MSH3: variants seen among roughly 807,000 people sequenced by gnomAD.
The protein encoded by MSH3 is mutS homolog 3, also known as DNA mismatch repair protein Msh3.
Under a neutral mutation model 123.3 loss-of-function variants are expected in MSH3, and 106 were observed. The ratio of observed to expected loss-of-function variants is 0.86; its 90% CI spans 0.73 to 1.01. The LOEUF (loss-of-function observed/expected upper bound fraction) is 1.01, where lower values mean the gene tolerates loss of function less well. MSH3 is among the 50% of genes least tolerant of loss of function. The probability of loss-of-function intolerance (pLI) is 0.00; values close to 1 mark genes in which losing one functional copy is unlikely to be tolerated. For synonymous variants in MSH3, 515 were observed against 481.4 expected, an observed-to-expected ratio of 1.07 and a Z score of -0.91; for missense variants, 1,459 against 1,347.6, an observed-to-expected ratio of 1.08 and a Z score of -1.29.
chr5:80,726,593 A>G (rs1374295352), intron 9 of MSH3, among the ~76,000 whole-genome samples: 3 of 152,138 alleles, frequency 2.0e-5, no homozygotes, highest in Admixed American at 6.5e-5. Flanking sequence ...CAGCCTCCCA[A>G]GTAGCTGAGA....
intron 17 of MSH3, among the ~76,000 whole-genome samples, chr5:80,782,146 A>G (rs1202348338): frequency 6.6e-6 from 1 of 152,118 alleles, no homozygotes; most frequent in African/African-American, 2.4e-5. Context: ...ATGAACATAC[A>G]TACATATATA....
chr5:80,736,417 T>C (rs1206161262), intron 10 of MSH3, among the ~76,000 whole-genome samples: 1 of 151,902 alleles, frequency 6.6e-6, no homozygotes, highest in African/African-American at 2.4e-5. Context: ...TGAAAGAACA[T>C]AATAGCGAAT....
At chr5:80,723,855 T>C (rs1020102570) in intron 8 of MSH3, among the ~76,000 whole-genome samples, 2 of 152,116 alleles carry the variant, frequency 1.3e-5, no homozygotes, top group African/African-American at 4.8e-5. Context: ...CTTGACTCCC[T>C]GGGCTCAAGT....
chr5:80,781,754 T>C (rs973491273), intron 17 of MSH3, among the ~76,000 whole-genome samples: 2 of 152,154 alleles, frequency 1.3e-5, no homozygotes, highest in African/African-American at 4.8e-5. Context: ...TTGAGGTGTT[T>C]CTTTGATTTG....
chr5:80,707,403 T>C (rs1750748387), intron 8 of MSH3, among the ~76,000 whole-genome samples: 1 of 152,190 alleles, frequency 6.6e-6, no homozygotes, highest in Admixed American at 6.5e-5. Context: ...TGCTGGATTA[T>C]GTGGGTAAGT....
chr5:80,813,558 AAGT>A, intron 19 of MSH3, 23 bp from the exon 20 acceptor site: 1 of 1,613,416 alleles, frequency 6.2e-7, no homozygotes, highest in Non-Finnish European at 8.5e-7. Flanking sequence ...CTGGTACAAT[AAGT>A]GAAATTCCTT....
intron 7 of MSH3, 94 bp from the exon 8 acceptor site, chr5:80,678,833 T>A (rs1380574162): frequency 7.3e-7 from 1 of 1,376,792 alleles, no homozygotes; most frequent in African/African-American, 1.4e-5. Flanking sequence ...CTCCTGAGTG[T>A]ATCATCTTTA....
rs189249892 is a variant in MSH3 at position 80,845,087 on chromosome 5, G to A, written c.2814-9043G>A. Among the ~76,000 whole-genome samples the A allele has an allele frequency of 3.4e-3, 524 of 152,292 alleles. 5 individuals are homozygous for A. Among genetic ancestry groups the A allele is most frequent in the African/African-American group, 8.2e-3 (342 of 41,544 alleles). ...TGCTTCCTTTAGGAGCTCTTGTAAG[G>A]CAGACCTGGTGGTGACAAAATCTCT... On this transcript the variant is annotated intron_variant, in intron 20 of 23. Transcript: ENST00000265081.
intron 17 of MSH3, 90 bp downstream of exon 17, chr5:80,778,926 C>T (rs1744358450): frequency 2.6e-6 from 2 of 757,118 alleles, no homozygotes; most frequent in Non-Finnish European, 4.7e-6. Flanking sequence ...ATAGAGATTA[C>T]AGCTCATGAC....
intron 22 of MSH3, among the ~76,000 whole-genome samples, chr5:80,872,276 C>T (rs761956797): frequency 1.4e-4 from 21 of 151,962 alleles, no homozygotes; most frequent in Non-Finnish European, 2.5e-4. Context: ...TCGAGAGCAG[C>T]CTGGGCAACA....
At chr5:80,828,209 C>G (rs1745355107) in intron 20 of MSH3, among the ~76,000 whole-genome samples, 1 of 152,174 alleles carries the variant, frequency 6.6e-6, no homozygotes, top group African/African-American at 2.4e-5. Flanking sequence ...CATAAAATGG[C>G]AGAAGGCATC....
At chr5:80,833,666 C>T (rs1745458906) in intron 20 of MSH3, among the ~76,000 whole-genome samples, 1 of 152,190 alleles carries the variant, frequency 6.6e-6, no homozygotes, top group Non-Finnish European at 1.5e-5. Flanking sequence ...TGGTCTCGAT[C>T]ACTTGACCTC....
chr5:80,749,966 TTCTC>T (rs1743803083), intron 12 of MSH3, among the ~76,000 whole-genome samples: 1 of 152,150 alleles, frequency 6.6e-6, no homozygotes, highest in Admixed American at 6.5e-5. Flanking sequence ...GATGTGGTAT[TTCTC>T]TGTCTGTGCC....
chr5:80,820,694 T>C (rs915631981), intron 20 of MSH3, among the ~76,000 whole-genome samples: 2 of 152,236 alleles, frequency 1.3e-5, no homozygotes, highest in African/African-American at 2.4e-5. Flanking sequence ...AACTAAGTTT[T>C]GCCACAGGAC....
chr5:80,872,866 C>T (rs966109206), intron 22 of MSH3, among the ~76,000 whole-genome samples: 1 of 152,072 alleles, frequency 6.6e-6, no homozygotes, highest in African/African-American at 2.4e-5. Flanking sequence ...TTCAAATTTG[C>T]AATGAATCAT....
chr5:80,787,548 T>G lies in MSH3; in HGVS notation c.2436-17T>G. On this transcript the variant is annotated splice_polypyrimidine_tract_variant and intron_variant, in intron 17 of 23. Coordinates refer to ENST00000265081, the MANE Select transcript of MSH3 (RefSeq NM_002439.5). ...ATCAGTTTGCTCACCTTTTTGTTGT[T>G]GCTGCTGCTTCCGTAGGAAATTCAG... 1 of 1,563,338 alleles carries G rather than the reference T, an allele frequency of 6.4e-7. No individual in the cohort carries two copies. The highest frequency in any genetic ancestry group is 8.8e-7 in the Non-Finnish European group (1 of 1,133,942).
intron 2 of MSH3, among the ~76,000 whole-genome samples, chr5:80,661,561 T>C (rs1387542771): frequency 4.3e-5 from 6 of 139,510 alleles, no homozygotes; most frequent in Non-Finnish European, 8.0e-5. Flanking sequence ...TAAAAAAAAT[T>C]CCTTTTGCTC....
intron 20 of MSH3, among the ~76,000 whole-genome samples, chr5:80,831,256 A>G (rs1433278826): frequency 6.6e-6 from 1 of 152,202 alleles, no homozygotes; most frequent in Non-Finnish European, 1.5e-5. Flanking sequence ...ATCATTTGTG[A>G]TTTTTAAAAA....
chr5:80,849,618 C>A (rs939258917), intron 20 of MSH3, among the ~76,000 whole-genome samples: 1 of 152,304 alleles, frequency 6.6e-6, no homozygotes, highest in South Asian at 2.1e-4. Flanking sequence ...GAAGCCACAA[C>A]CTGAGCTGTA....
Sources: gnomAD v4.1 joint callset for allele counts (sites outside exome capture counted in the v4.1 genomes callset) on GRCh38, gnomAD v4.1.1 for gene constraint, MANE v1.5 for transcripts, NCBI Gene and HGNC (gene_info 2026-07-23, HGNC 2026-07-21) for gene names.